The following HPSE2 variants were observed in gnomAD, a reference collection of about 807,000 sequenced individuals.
The protein encoded by HPSE2 is heparanase 2 (inactive).
HPSE2 carries 38 observed loss-of-function variants against 60.5 expected under a neutral mutation model. The observed-to-expected ratio is 0.63, with a 90% CI of 0.48 to 0.82. The LOEUF (loss-of-function observed/expected upper bound fraction) is 0.82, where lower values mean the gene tolerates loss of function less well. Among genes scored for constraint, HPSE2 ranks in the 40% least tolerant of loss-of-function variants. HPSE2 has a pLI of 0.00. For synonymous variants in HPSE2, 295 were observed against 293.2 expected (o/e 1.01, Z -0.06); for missense variants, 713 against 740.4 (o/e 0.96, Z 0.43).
intron 9 of HPSE2, among the ~76,000 whole-genome samples, chr10:98,593,122 A>G (rs1402124516): frequency 6.6e-6 from 1 of 152,170 alleles, no homozygotes; most frequent in Non-Finnish European, 1.5e-5. Context: ...CCTGCCTTCA[A>G]TTTGCTCATT....
intron 3 of HPSE2, among the ~76,000 whole-genome samples, chr10:99,051,213 G>A (rs940172136): frequency 2.0e-5 from 3 of 152,100 alleles, no homozygotes; most frequent in Admixed American, 1.3e-4. Context: ...AACCCAGGAG[G>A]CAGTGATTGC....
At chr10:99,161,695 CA>C (rs1465528362) in intron 2 of HPSE2, among the ~76,000 whole-genome samples, 1 of 151,856 alleles carries the variant, frequency 6.6e-6, no homozygotes, top group African/African-American at 2.4e-5. Flanking sequence ...ATTATAGCTC[CA>C]AAAAAAGCTA....
intron 3 of HPSE2, among the ~76,000 whole-genome samples, chr10:99,095,530 C>T (rs893830904): frequency 4.6e-5 from 7 of 152,152 alleles, no homozygotes; most frequent in African/African-American, 1.4e-4. Flanking sequence ...CAAAAAGAAA[C>T]GCTATTAGCA....
intron 9 of HPSE2, among the ~76,000 whole-genome samples, chr10:98,515,749 T>G (rs1454967212): frequency 1.3e-5 from 2 of 152,188 alleles, no homozygotes; most frequent in East Asian, 3.8e-4. Context: ...TATACACATA[T>G]TTCTGTTGAT....
At chr10:98,666,894 C>G (rs1021738080) in intron 6 of HPSE2, among the ~76,000 whole-genome samples, 5 of 151,700 alleles carry the variant, frequency 3.3e-5, no homozygotes, top group Non-Finnish European at 5.9e-5. Context: ...ATAATTATTT[C>G]TAGAAGAAAA....
At chr10:98,558,271 T>G (rs1342872516) in intron 9 of HPSE2, among the ~76,000 whole-genome samples, 1 of 152,174 alleles carries the variant, frequency 6.6e-6, no homozygotes, top group Non-Finnish European at 1.5e-5. Context: ...TAGGTATACA[T>G]CCAATAGAAA....
At chr10:98,464,735 G>A (rs1415679326) in intron 11 of HPSE2, among the ~76,000 whole-genome samples, 1 of 152,132 alleles carries the variant, frequency 6.6e-6, no homozygotes, top group African/African-American at 2.4e-5. Context: ...TGATCTTCCT[G>A]GATTGAGTTT....
chr10:99,114,917 AAAGAAG>A (rs974215583), intron 3 of HPSE2, among the ~76,000 whole-genome samples: 4 of 151,036 alleles, frequency 2.6e-5, no homozygotes, highest in African/African-American at 4.8e-5. Context: ...AAAAAAAAAA[AAAGAAG>A]AAGAAGAAGA....
At chr10:98,732,702 C>A (rs1417953196) in intron 4 of HPSE2, among the ~76,000 whole-genome samples, 1 of 152,036 alleles carries the variant, frequency 6.6e-6, no homozygotes, top group Non-Finnish European at 1.5e-5. Context: ...TAGGAAAAAA[C>A]TCCTTGTTAT....
chr10:98,540,978 T>C (rs35753423), intron 9 of HPSE2, among the ~76,000 whole-genome samples: 42,151 of 152,082 alleles, frequency 0.28, 6,257 homozygotes, highest in East Asian at 0.48. Context: ...ATAGCTTTTC[T>C]TTTGAAAAGA....
chr10:98,816,033 G>GGGGGGGA (rs1951280314), intron 3 of HPSE2, among the ~76,000 whole-genome samples: 1 of 136,282 alleles, frequency 7.3e-6, no homozygotes, highest in Non-Finnish European at 1.6e-5. Flanking sequence ...GTTGTGGGGT[G>GGGGGGGA]GGGGGGAGGG....
intron 3 of HPSE2, among the ~76,000 whole-genome samples, chr10:99,043,335 T>A (rs1244558185): frequency 2.0e-5 from 3 of 151,912 alleles, no homozygotes; most frequent in African/African-American, 7.3e-5. Context: ...ATACAAAAAA[T>A]TAGCTGGGCG....
rs150492442 is a variant in HPSE2, at chr10:98,490,879, A to G, written c.1321-683T>C. ...TGTGTAATTGATTTAAAAATTTTCAATCTGTGGCACACATTTATATGAGCT... is the reference window on the plus strand; with the variant it reads ...TGTGTAATTGATTTAAAAATTTTCAGTCTGTGGCACACATTTATATGAGCT... On this transcript the variant is annotated intron_variant, in intron 9 of 11. Transcript: ENST00000370552. Among the ~76,000 whole-genome samples, 235 of 152,338 alleles carry G rather than the reference A, an allele frequency of 1.5e-3. 1 individual carries two copies. Among genetic ancestry groups the G allele is most frequent in the African/African-American group, 5.5e-3 (228 of 41,592 alleles).
intron 2 of HPSE2, among the ~76,000 whole-genome samples, chr10:99,184,819 T>TATATATATATATAGAGAGAG (rs1554912295): frequency 1.0e-4 from 2 of 19,856 alleles, no homozygotes; most frequent in South Asian, 2.3e-3. Flanking sequence ...TATATATATA[T>TATATATATATATAGAGAGAG]AGAGAGAGAG....
intron 3 of HPSE2, among the ~76,000 whole-genome samples, chr10:98,969,499 T>C (rs1015781925): frequency 1.3e-5 from 2 of 152,316 alleles, no homozygotes; most frequent in East Asian, 1.9e-4. Flanking sequence ...AGGTAGCAAA[T>C]GGACAAGTCT....
At position 98,871,431 on chromosome 10, in the gene HPSE2, T is replaced by TA. The variant is rs199968549; in HGVS notation, c.611-127376dup. Among the ~76,000 whole-genome samples the TA allele has an allele frequency of 8.6e-4, 131 of 151,870 alleles. 1 individual carries two copies. The highest frequency in any genetic ancestry group is 2.7e-3 in the African/African-American group (112 of 41,456). ...GTGTTGGTATTACTGGATACTGGCT[T>TA]AAAAAAAACTGTATACTTTTAGCTA... On this transcript the variant is annotated intron_variant, in intron 3 of 11. Coordinates refer to ENST00000370552, the MANE Select transcript of HPSE2 (RefSeq NM_021828.5).
At chr10:99,078,972 C>T (rs990286443) in intron 3 of HPSE2, among the ~76,000 whole-genome samples, 1 of 152,128 alleles carries the variant, frequency 6.6e-6, no homozygotes, top group African/African-American at 2.4e-5. Context: ...AGACTGAATC[C>T]AGTCTCTTAG....
At chr10:99,220,007 T>C (rs545630184) in intron 2 of HPSE2, among the ~76,000 whole-genome samples, 24 of 152,226 alleles carry the variant, frequency 1.6e-4, no homozygotes, top group Non-Finnish European at 3.1e-4. Context: ...AGTGATATAC[T>C]ATTTGAGCCA....
chr10:98,663,865 G>T (rs1392329986), intron 6 of HPSE2, among the ~76,000 whole-genome samples: 1 of 152,176 alleles, frequency 6.6e-6, no homozygotes. Flanking sequence ...CCAGGGAACA[G>T]TCAGACTGAT....
Sources: allele counts gnomAD v4.1 joint callset (sites outside exome capture counted in the v4.1 genomes callset), GRCh38; gene constraint gnomAD v4.1.1; transcripts MANE v1.5; gene names NCBI Gene and HGNC (gene_info 2026-07-23, HGNC 2026-07-21).